Variants in CCL26 observed in about 807,000 individuals in gnomAD.
CCL26 encodes C-C motif chemokine ligand 26, also known as C-C motif chemokine 26.
Under a neutral mutation model 10.7 loss-of-function variants are expected in CCL26, and 10 were observed. The ratio of observed to expected loss-of-function variants is 0.93; its 90% CI spans 0.57 to 1.58. The LOEUF (loss-of-function observed/expected upper bound fraction) is 1.58, where lower values mean the gene tolerates loss of function less well. CCL26 is among the 40% of genes most tolerant of loss of function. CCL26 has a pLI of 0.00. For missense variants in CCL26, 116 were observed against 111.0 expected, an observed-to-expected ratio of 1.05 and a Z score of -0.20; for synonymous variants, 43 against 41.4, an observed-to-expected ratio of 1.04 and a Z score of -0.15.
intron 1 of CCL26, among the ~76,000 whole-genome samples, chr7:75,783,560 G>T (rs538515289): frequency 1.5e-4 from 23 of 152,230 alleles, no homozygotes; most frequent in African/African-American, 5.5e-4. Context: ...AGCACTTTGG[G>T]AGGCCGAGGT....
At chr7:75,784,253 C>T (rs895022932) in intron 1 of CCL26, among the ~76,000 whole-genome samples, 2 of 152,206 alleles carry the variant, frequency 1.3e-5, no homozygotes, top group South Asian at 4.1e-4. Context: ...CCCAGGATTC[C>T]TCCTAAGCTG....
chr7:75,784,841 C>A (rs567235648), intron 1 of CCL26, among the ~76,000 whole-genome samples: 1 of 152,080 alleles, frequency 6.6e-6, no homozygotes, highest in South Asian at 2.1e-4. Context: ...TCTACTCCCC[C>A]CTTGGTGACC....
chr7:75,789,988 T>C (rs1161563319), upstream of CCL26: 2 of 146,864 alleles, frequency 1.4e-5, no homozygotes, highest in African/African-American at 2.6e-5. Flanking sequence ...CCTTTCTACG[T>C]CTTACGGTTC....
upstream of CCL26, chr7:75,772,229 T>A: frequency 7.5e-7 from 1 of 1,340,748 alleles, no homozygotes; most frequent in South Asian, 1.3e-5. Context: ...TCCTGCCTGA[T>A]CCCCTTTTAT....
At chr7:75,784,391 C>T (rs985058134) in intron 1 of CCL26, among the ~76,000 whole-genome samples, 2 of 152,316 alleles carry the variant, frequency 1.3e-5, no homozygotes, top group African/African-American at 2.4e-5. Flanking sequence ...CTCGGCTTAA[C>T]GGCTGAAGAC....
chr7:75,784,392 G>A (rs1441658030), intron 1 of CCL26, among the ~76,000 whole-genome samples: 1 of 152,198 alleles, frequency 6.6e-6, no homozygotes, highest in Non-Finnish European at 1.5e-5. Context: ...TCGGCTTAAC[G>A]GCTGAAGACT....
chr7:75,776,319 G>A (rs1228632143), upstream of CCL26, among the ~76,000 whole-genome samples: 1 of 151,398 alleles, frequency 6.6e-6, no homozygotes, highest in African/African-American at 2.4e-5. Context: ...TGATTCACCT[G>A]CCTCGGTCTC....
intron 1 of CCL26, among the ~76,000 whole-genome samples, chr7:75,777,721 GAAAAAAAAAA>G (rs60039632): frequency 1.7e-5 from 1 of 60,542 alleles, no homozygotes; most frequent in Non-Finnish European, 2.8e-5. Flanking sequence ...TCCTGTCTCA[GAAAAAAAAAA>G]AAAAAAAAAA....
chr7:75,776,415 C>A (rs962455947), upstream of CCL26, among the ~76,000 whole-genome samples: 15 of 151,254 alleles, frequency 9.9e-5, no homozygotes, highest in African/African-American at 3.4e-4. Flanking sequence ...GTGGCTCACT[C>A]CTGTAATCCT....
chr7:75,777,478 T>C (rs145923814), intron 1 of CCL26, among the ~76,000 whole-genome samples: 298 of 152,100 alleles, frequency 2.0e-3, no homozygotes, highest in Middle Eastern at 0.01. Flanking sequence ...CCAGGTGTAG[T>C]GGCTCACACT....
chr7:75,788,893 A>G (rs1268691046), intron 1 of CCL26, among the ~76,000 whole-genome samples: 1 of 151,162 alleles, frequency 6.6e-6, no homozygotes, highest in Non-Finnish European at 1.5e-5. Context: ...TTTGAGTTGT[A>G]CTCTTAGAGT....
At position 75,769,630 on chromosome 7, in the gene CCL26, T is replaced by TCC. The variant is rs1483880956; in HGVS notation, c.*61_*62dup. ...AGCCTTCAGAAAAGATTCCGCAGGCTCCCCAGAGGGCTGCAGAGCCAAGAG... is the reference window on the plus strand; with the variant it reads ...AGCCTTCAGAAAAGATTCCGCAGGCTCCCCCCAGAGGGCTGCAGAGCCAAGAG... On this transcript the variant is annotated 3_prime_UTR_variant, in exon 3 of 3. Transcript: ENST00000005180. The TCC allele has an allele frequency of 4.6e-6, 5 of 1,077,888 alleles. No homozygotes were observed. The African/African-American group carries it at 6.2e-5, about 13-fold the overall frequency. The allele number at this position is 1,077,888 out of a possible 1,614,324, so 66.8% of individuals were successfully genotyped here.
upstream of CCL26, among the ~76,000 whole-genome samples, chr7:75,776,623 GA>G (rs1303908907): frequency 6.6e-6 from 1 of 151,290 alleles, no homozygotes; most frequent in East Asian, 2.0e-4. Flanking sequence ...AAGAAGGAAA[GA>G]AAAAAAGAAA....
chr7:75,784,784 A>G (rs1803146547), intron 1 of CCL26, among the ~76,000 whole-genome samples: 1 of 151,746 alleles, frequency 6.6e-6, no homozygotes, highest in African/African-American at 2.4e-5. Flanking sequence ...CCTCCTTCAC[A>G]TCCTCCCCTT....
upstream of CCL26, among the ~76,000 whole-genome samples, chr7:75,790,131 TTC>T (rs1189850796): frequency 2.8e-4 from 42 of 148,266 alleles, no homozygotes; most frequent in Middle Eastern, 3.5e-3. Context: ...CTTTCTTTCT[TTC>T]TCTCTCTCTC....
At chr7:75,771,046 A>G (rs1433095374) in intron 2 of CCL26, among the ~76,000 whole-genome samples, 24 of 151,926 alleles carry the variant, frequency 1.6e-4, no homozygotes, top group African/African-American at 5.8e-4. Context: ...CCTGGCACCA[A>G]TCCCCTGTGG....
At position 75,769,639 on chromosome 7, in the gene CCL26, G is replaced by A. The variant is rs1802778895; in HGVS notation, c.*54C>T. 1 of 1,177,796 alleles carries A rather than the reference G, an allele frequency of 8.5e-7. No homozygotes were observed. Among genetic ancestry groups the A allele is most frequent in the Non-Finnish European group, 1.3e-6 (1 of 784,002 alleles). The allele number at this position is 1,177,796 out of a possible 1,614,324, so 73.0% of individuals were successfully genotyped here. A position where few individuals can be genotyped will look rare whatever the true frequency, so the allele number is the denominator to read the frequency against. Reference sequence around the variant, plus strand: ...AAAAGATTCCGCAGGCTCCCCAGAGGGCTGCAGAGCCAAGAGCGGGGTCCA... The same window carrying A: ...AAAAGATTCCGCAGGCTCCCCAGAGAGCTGCAGAGCCAAGAGCGGGGTCCA... On this transcript the variant is annotated 3_prime_UTR_variant, in exon 3 of 3. Coordinates refer to ENST00000005180, the MANE Select transcript of CCL26 (RefSeq NM_001371938.1).
upstream of CCL26, among the ~76,000 whole-genome samples, chr7:75,790,713 G>A (rs570680768): frequency 1.4e-3 from 214 of 152,190 alleles, no homozygotes; most frequent in African/African-American, 5.0e-3. Flanking sequence ...GGAGGCCGAG[G>A]CAGGCAGATC....
At chr7:75,776,973 G>A (rs562198315), upstream of CCL26, among the ~76,000 whole-genome samples, 45 of 152,270 alleles carry the variant, frequency 3.0e-4, no homozygotes, top group Admixed American at 2.6e-3. Flanking sequence ...GCTCACAACT[G>A]TAATCCCAGC....
Sources: gnomAD v4.1 joint callset for allele counts (sites outside exome capture counted in the v4.1 genomes callset) on GRCh38, gnomAD v4.1.1 for gene constraint, MANE v1.5 for transcripts, NCBI Gene and HGNC (gene_info 2026-07-23, HGNC 2026-07-21) for gene names.